Variants in LRRC4C observed in about 807,000 individuals in gnomAD.
The protein encoded by LRRC4C is leucine-rich repeat-containing protein 4C.
LRRC4C carries 5 observed loss-of-function variants against 33.6 expected under a neutral mutation model. That is an observed-to-expected ratio of 0.15 (90% CI 0.08 to 0.31). The LOEUF (loss-of-function observed/expected upper bound fraction) is 0.31. LRRC4C is among the 10% of genes least tolerant of loss of function. The probability of loss-of-function intolerance (pLI) is 1.00; values close to 1 mark genes in which losing one functional copy is unlikely to be tolerated. For missense variants in LRRC4C, 560 were observed against 796.7 expected, an observed-to-expected ratio of 0.70 and a Z score of 3.58; for synonymous variants, 329 against 302.0, an observed-to-expected ratio of 1.09 and a Z score of -0.93.
intron 1 of LRRC4C, among the ~76,000 whole-genome samples, chr11:41,378,726 T>C (rs1342391818): frequency 6.6e-6 from 1 of 152,154 alleles, no homozygotes; most frequent in South Asian, 2.1e-4. Context: ...CCTATGAAGA[T>C]GTATGATTTC....
intron 3 of LRRC4C, among the ~76,000 whole-genome samples, chr11:40,581,414 C>A (rs1354084070): frequency 2.0e-5 from 3 of 152,004 alleles, no homozygotes; most frequent in Non-Finnish European, 4.4e-5. Context: ...CTGAGTTGTC[C>A]CCCTCTATAT....
chr11:41,338,513 G>C (rs757023898), intron 1 of LRRC4C, among the ~76,000 whole-genome samples: 13 of 151,996 alleles, frequency 8.6e-5, no homozygotes, highest in Non-Finnish European at 1.6e-4. Flanking sequence ...TGGACACAGG[G>C]AGGGAAATAA....
chr11:40,261,183 C>A (rs916860914), intron 4 of LRRC4C, among the ~76,000 whole-genome samples: 15 of 152,070 alleles, frequency 9.9e-5, no homozygotes, highest in African/African-American at 3.6e-4. Flanking sequence ...TCACCTCACC[C>A]AGCCTGAAAA....
intron 3 of LRRC4C, among the ~76,000 whole-genome samples, chr11:40,477,996 C>A (rs1430598851): frequency 6.6e-6 from 1 of 152,166 alleles, no homozygotes; most frequent in Non-Finnish European, 1.5e-5. Flanking sequence ...AGTTTCCCTG[C>A]ACAAGCTCTG....
At chr11:41,093,939 A>AC (rs1255601887) in intron 1 of LRRC4C, among the ~76,000 whole-genome samples, 17 of 150,052 alleles carry the variant, frequency 1.1e-4, no homozygotes, top group Non-Finnish European at 2.5e-4. Flanking sequence ...AAAAAAAAAA[A>AC]AAAAAAAAAA....
chr11:41,027,663 T>C (rs1056076550), intron 1 of LRRC4C, among the ~76,000 whole-genome samples: 4 of 151,748 alleles, frequency 2.6e-5, no homozygotes, highest in Non-Finnish European at 4.4e-5. Context: ...ACTATTTTAC[T>C]AAAATTCAAC....
intron 2 of LRRC4C, among the ~76,000 whole-genome samples, chr11:40,748,538 C>T (rs1478235621): frequency 6.6e-6 from 1 of 151,854 alleles, no homozygotes; most frequent in African/African-American, 2.4e-5. Context: ...TCATAAACCA[C>T]CAAACCTCAA....
intron 1 of LRRC4C, among the ~76,000 whole-genome samples, chr11:41,095,176 C>T (rs563995625): frequency 6.6e-6 from 1 of 151,640 alleles, no homozygotes; most frequent in African/African-American, 2.4e-5. Context: ...AAGCAGGCAC[C>T]TTCCTCACAT....
At chr11:41,243,656 A>C (rs1362987469) in intron 1 of LRRC4C, among the ~76,000 whole-genome samples, 5 of 152,154 alleles carry the variant, frequency 3.3e-5, no homozygotes, top group African/African-American at 1.2e-4. Context: ...TGGAAGGTGA[A>C]TGTGATGACT....
chr11:40,531,219 T>C (rs2135310864), intron 3 of LRRC4C, among the ~76,000 whole-genome samples: 1 of 152,198 alleles, frequency 6.6e-6, no homozygotes, highest in East Asian at 1.9e-4. Context: ...CCCCCACGCT[T>C]GTATAGCTTC....
Position 40,142,293 on chromosome 11 carries a change from A to C in LRRC4C, c.-95-1440T>G, listed in dbSNP as rs867440235. Among the ~76,000 whole-genome samples, 28 of 151,852 alleles carry C rather than the reference A, an allele frequency of 1.8e-4. 1 individual carries two copies. Among genetic ancestry groups the C allele is most frequent in the Middle Eastern group, 6.8e-3 (2 of 294 alleles). ...ATTCTGTCTCAAAAAAAAAAAAAAAAAAAAAAAAAAACCTCGATTTTATAA... is the reference window on the plus strand; with the variant it reads ...ATTCTGTCTCAAAAAAAAAAAAAAACAAAAAAAAAAACCTCGATTTTATAA... On this transcript the variant is annotated intron_variant, in intron 5 of 6. Transcript: ENST00000528697.
chr11:41,288,440 G>A (rs1949897884), intron 1 of LRRC4C, among the ~76,000 whole-genome samples: 1 of 152,122 alleles, frequency 6.6e-6, no homozygotes, highest in South Asian at 2.1e-4. Flanking sequence ...GACTCTCAAG[G>A]TAGAGAATTG....
intron 1 of LRRC4C, among the ~76,000 whole-genome samples, chr11:41,304,953 G>T (rs1459703732): frequency 8.5e-6 from 1 of 117,230 alleles, no homozygotes; most frequent in Non-Finnish European, 1.8e-5. Context: ...CAGCCGCCCC[G>T]TCCGGGAGGT....
chr11:40,935,105 C>T (rs1421702089), intron 1 of LRRC4C, among the ~76,000 whole-genome samples: 2 of 152,100 alleles, frequency 1.3e-5, no homozygotes, highest in East Asian at 1.9e-4. Flanking sequence ...GCAAGAAAAC[C>T]CCATGAGGGT....
chr11:41,310,043 A>G (rs1346596192), intron 1 of LRRC4C, among the ~76,000 whole-genome samples: 3 of 152,126 alleles, frequency 2.0e-5, no homozygotes. Flanking sequence ...CTCTGTCTCA[A>G]TGAGTTTTAT....
intron 4 of LRRC4C, among the ~76,000 whole-genome samples, chr11:40,289,311 A>C (rs1944042112): frequency 6.6e-6 from 1 of 152,186 alleles, no homozygotes; most frequent in Admixed American, 6.5e-5. Context: ...GCTTTGCATA[A>C]CACTCCTTTT....
At chr11:40,547,773 C>T (rs1467496997) in intron 3 of LRRC4C, among the ~76,000 whole-genome samples, 1 of 151,990 alleles carries the variant, frequency 6.6e-6, no homozygotes, top group Non-Finnish European at 1.5e-5. Context: ...TACTGAGATA[C>T]GAAGAGGGAA....
intron 2 of LRRC4C, among the ~76,000 whole-genome samples, chr11:40,648,643 G>A (rs1310808539): frequency 6.6e-6 from 1 of 152,126 alleles, no homozygotes; most frequent in African/African-American, 2.4e-5. Flanking sequence ...TGTTACCATG[G>A]GCCTGGGCTA....
chr11:40,267,738 T>C (rs539218017), intron 4 of LRRC4C, among the ~76,000 whole-genome samples: 1 of 152,324 alleles, frequency 6.6e-6, no homozygotes, highest in East Asian at 1.9e-4. Context: ...TACTTTGGTA[T>C]GTTCAAGTCT....
Sources: allele counts gnomAD v4.1 joint callset (sites outside exome capture counted in the v4.1 genomes callset), GRCh38; gene constraint gnomAD v4.1.1; transcripts MANE v1.5; gene names NCBI Gene and HGNC (gene_info 2026-07-23, HGNC 2026-07-21).